Variants in SPATC1L observed in about 807,000 individuals in gnomAD.
The protein encoded by SPATC1L is spermatogenesis and centriole associated 1 like, also known as speriolin-like protein.
Under a neutral mutation model 21.2 loss-of-function variants are expected in SPATC1L, and 20 were observed. The observed-to-expected ratio is 0.94, with a 90% CI of 0.66 to 1.37. SPATC1L has a LOEUF of 1.37. SPATC1L is among the 40% of genes most tolerant of loss of function. The pLI is 0.00. For synonymous variants in SPATC1L, 290 were observed against 234.5 expected (o/e 1.24, Z -2.16); for missense variants, 499 against 478.7 (o/e 1.04, Z -0.40).
chr21:46,166,301 G>A (rs1349163123), intron 3 of SPATC1L, among the ~76,000 whole-genome samples: 1 of 152,106 alleles, frequency 6.6e-6, no homozygotes, highest in East Asian at 1.9e-4. Flanking sequence ...AGGAGGCGGA[G>A]GTTGCAGTGA....
In SPATC1L at chr21:46,182,686, C is replaced by T; in HGVS notation, c.131G>A (p.Gly44Asp). Residue 44 changes from glycine to aspartate, a missense_variant, in exon 2 of 5, where the codon GGC becomes GAC. Gly to Asp is a moderately conservative substitution (Grantham distance 94). Coordinates refer to ENST00000291672, the MANE Select transcript of SPATC1L (RefSeq NM_001142854.2). ...LLSQSCQEGG[G>D]HDLLPPRAHA... is the part of the protein sequence containing the mutation. ...CGCCCTGGGTGGGAGCAGGTCGTGG[C>T]CGCCGCCCTCCTGGCAGCTCTGGCT... 1.9e-6 allele frequency: 3 copies of T among 1,542,830 alleles called. No individual in the cohort carries two copies. Among genetic ancestry groups the T allele is most frequent in the Non-Finnish European group, 2.6e-6 (3 of 1,146,400 alleles).
Position 46,182,887 on chromosome 21 carries a change from G to C in SPATC1L, c.-71C>G. On this transcript the variant is annotated 5_prime_UTR_variant, in exon 2 of 5. Transcript: ENST00000291672. ...GGAGGTGGGAGCCCAGAGCCCGCAG[G>C]CACCACAGAAACAGCCCAGGCACGG... The C allele has an allele frequency of 2.8e-6, 4 of 1,418,514 alleles. 1 individual carries two copies. In the South Asian group the frequency reaches 4.4e-5, roughly 16 times the overall value. 87.9% of individuals were successfully genotyped at this position (1,418,514 alleles called of 1,614,324 possible).
chr21:46,175,936 G>GCACATCAAAAAGCTTATCCAC (rs2079629855), intron 2 of SPATC1L, among the ~76,000 whole-genome samples: 1 of 152,258 alleles, frequency 6.6e-6, no homozygotes, highest in Admixed American at 6.5e-5. Flanking sequence ...AAATCCAGCA[G>GCACATCAAAAAGCTTATCCAC]CACATCAAAA....
In SPATC1L at chr21:46,168,446, G is replaced by T; in HGVS notation, c.406C>A (p.Leu136Ile). The T allele has an allele frequency of 6.2e-7, 1 of 1,606,434 alleles. No homozygotes were observed. Among genetic ancestry groups the T allele is most frequent in the Non-Finnish European group, 8.5e-7 (1 of 1,176,184 alleles). Reference protein sequence around the residue: ...HRGTDRKLSPLLSPLQDSLVD... With the variant: ...HRGTDRKLSPILSPLQDSLVD... ...AGTGAGTCTTGCAAGGGGCTCAGGAGCGGGGACAGCTTCCTGTCGGTGCCT... is the reference window on the plus strand; with the variant it reads ...AGTGAGTCTTGCAAGGGGCTCAGGATCGGGGACAGCTTCCTGTCGGTGCCT... Residue 136 changes from leucine to isoleucine, a missense_variant, in exon 3 of 5, where the codon CTC becomes ATC. By Grantham distance (5) the Leu-to-Ile change is conservative (BLOSUM62 2). Transcript: ENST00000291672.
chr21:46,173,100 TC>T (rs1311916453), intron 2 of SPATC1L, among the ~76,000 whole-genome samples: 2 of 151,960 alleles, frequency 1.3e-5, no homozygotes, highest in Admixed American at 1.3e-4. Context: ...GGGACGGCCG[TC>T]CCCCAGGCTT....
At chr21:46,181,261 G>C (rs529849640) in intron 2 of SPATC1L, among the ~76,000 whole-genome samples, 4 of 152,332 alleles carry the variant, frequency 2.6e-5, no homozygotes, top group Admixed American at 2.6e-4. Context: ...CAAACGCCCT[G>C]TGGTGAGCGT....
At chr21:46,180,244 G>A (rs1205740552) in intron 2 of SPATC1L, among the ~76,000 whole-genome samples, 3 of 152,192 alleles carry the variant, frequency 2.0e-5, no homozygotes, top group South Asian at 4.1e-4. Context: ...GGAATGCCGC[G>A]AAATGGATCG....
Position 46,162,389 on chromosome 21 carries a change from C to T in SPATC1L, c.545-322G>A, listed in dbSNP as rs1371418244. ...CGGCCCCTGCGAGGACAGAGGAACC[C>T]GGCCCTGGAGGTCTGAGTTGGGACG... On this transcript the variant is annotated intron_variant, in intron 3 of 4. Coordinates refer to ENST00000291672, the MANE Select transcript of SPATC1L (RefSeq NM_001142854.2). Among the ~76,000 whole-genome samples the T allele has an allele frequency of 1.3e-5, 2 of 152,100 alleles. 1 individual carries two copies. Among genetic ancestry groups the T allele is most frequent in the Non-Finnish European group, 2.9e-5 (2 of 67,998 alleles).
intron 2 of SPATC1L, among the ~76,000 whole-genome samples, chr21:46,173,960 G>T (rs1286882374): frequency 6.6e-6 from 1 of 152,140 alleles, no homozygotes; most frequent in Non-Finnish European, 1.5e-5. Context: ...TGGCAGCTGG[G>T]CACTGGCCCC....
At chr21:46,172,478 A>T (rs2079601219) in intron 2 of SPATC1L, among the ~76,000 whole-genome samples, 1 of 152,238 alleles carries the variant, frequency 6.6e-6, no homozygotes, top group Non-Finnish European at 1.5e-5. Context: ...AAAAATAAGA[A>T]CAGGAAGGAC....
chr21:46,174,514 T>C (rs899948949), intron 2 of SPATC1L, among the ~76,000 whole-genome samples: 4 of 152,158 alleles, frequency 2.6e-5, no homozygotes, highest in Non-Finnish European at 5.9e-5. Flanking sequence ...GTTGCAATCA[T>C]AGTTTCTGAC....
intron 3 of SPATC1L, among the ~76,000 whole-genome samples, chr21:46,163,300 A>G (rs960468611): frequency 6.6e-6 from 1 of 152,072 alleles, no homozygotes; most frequent in African/African-American, 2.4e-5. Flanking sequence ...TTTTTTTGAT[A>G]CTGTCCTTTG....
rs919258004 is a variant in SPATC1L, at chr21:46,168,648, G to A, written c.204C>T (p.Phe68=). The change falls in exon 3 of 5, where the codon TTC becomes TTT. Residue 68 remains phenylalanine (F), a synonymous_variant. Coordinates refer to ENST00000291672, the MANE Select transcript of SPATC1L (RefSeq NM_001142854.2). ...TGTCGGCAACACTCGTGAACCTTCC[G>A]AAATCTGGAACTGAGGCGGGGAGGA... ...AGSPGSGVPD[F]GRFTSVADTP... 19 of 1,363,908 alleles carry A rather than the reference G, an allele frequency of 1.4e-5. No homozygotes were observed. The highest frequency in any genetic ancestry group is 2.9e-5 in the African/African-American group (2 of 68,262). 84.5% of individuals were successfully genotyped at this position (1,363,908 alleles called of 1,614,324 possible).
intron 2 of SPATC1L, among the ~76,000 whole-genome samples, chr21:46,170,262 TCCTCTGTGGATGGGGAGGAGCCTCCTGC>T (rs2079575944): frequency 6.9e-6 from 1 of 144,614 alleles, no homozygotes. Context: ...TCTGTGAGCA[TCCTCTGTGGATGGGGAGGAGCCTCCTGC>T]TCTGTGAGCA....
In SPATC1L at chr21:46,182,638, G is replaced by A. The variant is rs1033489758; in HGVS notation, c.179C>T (p.Ser60Phe). ...CGGCGCCTCACCTCCGCTCCCGGGG[G>A]AGCCGGCCTCAGGGTAGGCATGCGC... ...PRAHAYPEAGSPGSGVPDFGR... is the reference protein window; with the variant it reads ...PRAHAYPEAGFPGSGVPDFGR... The change falls in exon 2 of 5, where the codon TCC (serine) becomes TTC (phenylalanine). Residue 60 changes from serine to phenylalanine, a missense_variant. Coordinates refer to ENST00000291672, the MANE Select transcript of SPATC1L (RefSeq NM_001142854.2). The A allele has an allele frequency of 7.2e-6, 11 of 1,518,666 alleles. No homozygotes were observed. Among genetic ancestry groups the A allele is most frequent in the African/African-American group, 1.4e-5 (1 of 72,262 alleles). 94.1% of individuals were successfully genotyped at this position (1,518,666 alleles called of 1,614,324 possible).
chr21:46,172,610 G>C (rs2839137), intron 2 of SPATC1L, among the ~76,000 whole-genome samples: 111,073 of 152,134 alleles, frequency 0.73, 41,877 homozygotes, highest in East Asian at 1. Context: ...CTTCCCTGGA[G>C]GAGGCCCCAT....
intron 3 of SPATC1L, among the ~76,000 whole-genome samples, chr21:46,164,545 G>A (rs2079526337): frequency 6.6e-6 from 1 of 152,040 alleles, no homozygotes; most frequent in Admixed American, 6.6e-5. Context: ...TGTAATCCCA[G>A]CACTTTGGGA....
chr21:46,168,051 A>C (rs1465205955), intron 3 of SPATC1L, among the ~76,000 whole-genome samples: 1 of 152,184 alleles, frequency 6.6e-6, no homozygotes, highest in Admixed American at 6.5e-5. Flanking sequence ...ACACCCAAAA[A>C]AGGACTCATA....
intron 2 of SPATC1L, 29 bp from the exon 3 acceptor site, chr21:46,168,687 T>C: frequency 7.5e-7 from 1 of 1,326,016 alleles, no homozygotes; most frequent in Non-Finnish European, 9.9e-7. Context: ...GGATGAGAAA[T>C]CAGGCTGATG....
Sources: allele counts gnomAD v4.1 joint callset (sites outside exome capture counted in the v4.1 genomes callset), GRCh38; gene constraint gnomAD v4.1.1; transcripts MANE v1.5; gene names NCBI Gene and HGNC (gene_info 2026-07-23, HGNC 2026-07-21).